Variants in MACIR observed in about 807,000 individuals in gnomAD.
The protein encoded by MACIR is macrophage immunometabolism regulator.
A neutral mutation model predicts 14.3 loss-of-function variants in MACIR; 4 were observed. That is an observed-to-expected ratio of 0.28 (90% confidence interval 0.14 to 0.64). The LOEUF (loss-of-function observed/expected upper bound fraction) is 0.64, where lower values mean the gene tolerates loss of function less well. Among genes scored for constraint, MACIR ranks in the 30% least tolerant of loss-of-function variants. The pLI is 0.83. For missense variants in MACIR, 228 were observed against 257.6 expected, an observed-to-expected ratio of 0.89 and a Z score of 0.79; for synonymous variants, 101 against 102.4, an observed-to-expected ratio of 0.99 and a Z score of 0.08.
chr5:103,275,760 A>G, intron 2 of MACIR, 137 bp from the exon 3 acceptor site: 1 of 681,754 alleles, frequency 1.5e-6, no homozygotes, highest in African/African-American at 1.8e-5. Context: ...TTTAGTAGAC[A>G]TAGTTACATG....
At chr5:103,269,395 T>C (rs2149928773) in intron 2 of MACIR, among the ~76,000 whole-genome samples, 1 of 152,300 alleles carries the variant, frequency 6.6e-6, no homozygotes, top group Non-Finnish European at 1.5e-5. Flanking sequence ...ATTCTGCATA[T>C]TTAAAATGGT....
chr5:103,272,466 T>C (rs1805170848), intron 2 of MACIR, among the ~76,000 whole-genome samples: 3 of 151,562 alleles, frequency 2.0e-5, no homozygotes, highest in Non-Finnish European at 4.4e-5. Context: ...AAAAATAACC[T>C]GAGCAAGTTG....
rs553697555 is a variant in MACIR, at chr5:103,276,720, G to C, written c.*180G>C. On this transcript the variant is annotated 3_prime_UTR_variant, in exon 3 of 3. Coordinates refer to ENST00000319933, the MANE Select transcript of MACIR (RefSeq NM_033211.4). Reference sequence around the variant, plus strand: ...CAGGAATGAAATCACAGGTACTTGGGGGGGGGATATCATTCTAGAGCACGC... The same window carrying C: ...CAGGAATGAAATCACAGGTACTTGGCGGGGGGATATCATTCTAGAGCACGC... 60 of 517,736 alleles carry C rather than the reference G, an allele frequency of 1.2e-4. No individual in the cohort carries two copies. The highest frequency in any genetic ancestry group is 1.0e-3 in the Middle Eastern group (2 of 1,968). The allele number at this position is 517,736 out of a possible 1,614,324, so 32.1% of individuals were successfully genotyped here.
rs189993757 is a variant in MACIR at position 103,263,615 on chromosome 5, A to T, written c.-113-2293A>T. ...TGCATTTAAAAGCTTAAAAAGAAGA[A>T]TATGTCACCAAATACATGAGGCAAA... On this transcript the variant is annotated intron_variant, in intron 1 of 2. Transcript: ENST00000319933. 4.5e-3 allele frequency among the ~76,000 whole-genome samples: 689 copies of T among 152,316 alleles called. 1 individual carries two copies. Among genetic ancestry groups the T allele is most frequent in the Middle Eastern group, 0.014 (4 of 294 alleles).
At chr5:103,270,138 C>T (rs1478971440) in intron 2 of MACIR, among the ~76,000 whole-genome samples, 1 of 152,080 alleles carries the variant, frequency 6.6e-6, no homozygotes, top group African/African-American at 2.4e-5. Flanking sequence ...AGGCACTGTT[C>T]TGGTGAGTGT....
chr5:103,275,855 C>T (rs1342838289), intron 2 of MACIR, 42 bp from the exon 3 acceptor site: 2 of 1,531,042 alleles, frequency 1.3e-6, no homozygotes, highest in African/African-American at 2.7e-5. Context: ...GCCCAAGTCT[C>T]TGTGCATTAT....
chr5:103,272,758 G>A (rs1042870718), intron 2 of MACIR, among the ~76,000 whole-genome samples: 1 of 152,164 alleles, frequency 6.6e-6, no homozygotes, highest in African/African-American at 2.4e-5. Context: ...GAAGCCGTTT[G>A]TGAGAGTCTT....
intron 1 of MACIR, chr5:103,259,258 G>C (rs1292764272): frequency 6.6e-6 from 1 of 152,368 alleles, no homozygotes; most frequent in Admixed American, 6.5e-5. Context: ...GGCCGCAGAC[G>C]CCGTGAGTGT....
intron 2 of MACIR, among the ~76,000 whole-genome samples, chr5:103,272,221 G>T (rs1042385042): frequency 1.3e-5 from 2 of 152,232 alleles, no homozygotes; most frequent in South Asian, 4.1e-4. Context: ...GCTAAACACA[G>T]GCCATCTCTA....
rs1554237627 is a variant in MACIR, at chr5:103,276,023, G to A, written c.104G>A (p.Arg35His). 4 of 1,613,954 alleles carry A rather than the reference G, an allele frequency of 2.5e-6. No homozygotes were observed. The highest frequency in any genetic ancestry group is 2.2e-5 in the East Asian group (1 of 44,882). ...SPGKAEAEKP[R>H]CSSTPCSPMR... Reference sequence around the variant, plus strand: ...GGAAAGGCGGAGGCAGAGAAGCCCCGCTGCTCCAGCACACCCTGCTCCCCG... The same window carrying A: ...GGAAAGGCGGAGGCAGAGAAGCCCCACTGCTCCAGCACACCCTGCTCCCCG... The change falls in exon 3 of 3, where the codon CGC (arginine) becomes CAC (histidine). Residue 35 changes from arginine (R) to histidine (H), a missense_variant. Coordinates refer to ENST00000319933, the MANE Select transcript of MACIR (RefSeq NM_033211.4).
intron 2 of MACIR, among the ~76,000 whole-genome samples, chr5:103,269,696 C>T (rs1175914910): frequency 2.0e-5 from 3 of 152,086 alleles, no homozygotes; most frequent in Non-Finnish European, 2.9e-5. Flanking sequence ...GTGTTCAAAG[C>T]TGTGCAGATT....
At chr5:103,267,674 A>G (rs564122066) in intron 2 of MACIR, among the ~76,000 whole-genome samples, 1 of 152,210 alleles carries the variant, frequency 6.6e-6, no homozygotes, top group East Asian at 1.9e-4. Flanking sequence ...TTGGAGGACC[A>G]TCTGAAACGT....
At chr5:103,272,729 C>T (rs1292229775) in intron 2 of MACIR, among the ~76,000 whole-genome samples, 1 of 152,060 alleles carries the variant, frequency 6.6e-6, no homozygotes, top group Non-Finnish European at 1.5e-5. Context: ...ATAAGTAAAA[C>T]GAATCCTTTA....
At chr5:103,269,462 G>A (rs1026745735) in intron 2 of MACIR, among the ~76,000 whole-genome samples, 2 of 151,706 alleles carry the variant, frequency 1.3e-5, no homozygotes, top group Non-Finnish European at 2.9e-5. Context: ...AAAAAAAACA[G>A]TGAAAGCATA....
chr5:103,275,399 AAG>A (rs1461563723), intron 2 of MACIR, among the ~76,000 whole-genome samples: 1 of 152,198 alleles, frequency 6.6e-6, no homozygotes, highest in Admixed American at 6.5e-5. Context: ...ATGTTCCTTA[AAG>A]ACAAATTGAA....
chr5:103,274,781 T>A (rs1202932500), intron 2 of MACIR, among the ~76,000 whole-genome samples: 1 of 152,192 alleles, frequency 6.6e-6, no homozygotes, highest in Non-Finnish European at 1.5e-5. Flanking sequence ...AATTTTTAAG[T>A]AAATTTTTCA....
intron 1 of MACIR, among the ~76,000 whole-genome samples, chr5:103,263,834 A>C (rs1804823244): frequency 1.3e-5 from 2 of 152,178 alleles, no homozygotes; most frequent in South Asian, 4.1e-4. Context: ...TTGATATCCA[A>C]CCATATAACC....
chr5:103,274,757 C>T (rs1186514334), intron 2 of MACIR, among the ~76,000 whole-genome samples: 1 of 151,528 alleles, frequency 6.6e-6, no homozygotes, highest in African/African-American at 2.4e-5. Flanking sequence ...TGAGAAGATT[C>T]GTAAGAGTTA....
In MACIR at chr5:103,276,677, T is replaced by G; in HGVS notation, c.*137T>G. On this transcript the variant is annotated 3_prime_UTR_variant, in exon 3 of 3. Coordinates refer to ENST00000319933, the MANE Select transcript of MACIR (RefSeq NM_033211.4). ...AGTGTTCCTGGAACATAAAAATTGT[T>G]TGGGTCAAATTTGAATACAGGAATG... 1.2e-6 allele frequency: 1 copy of G among 808,062 alleles called. No homozygotes were observed. Among genetic ancestry groups the G allele is most frequent in the South Asian group, 3.0e-5 (1 of 33,262 alleles). 50.1% of individuals were successfully genotyped at this position (808,062 alleles called of 1,614,324 possible). A position where few individuals can be genotyped will look rare whatever the true frequency, so the allele number is the denominator to read the frequency against.
Sources: gnomAD v4.1 joint callset for allele counts (sites outside exome capture counted in the v4.1 genomes callset) on GRCh38, gnomAD v4.1.1 for gene constraint, MANE v1.5 for transcripts, NCBI Gene and HGNC (gene_info 2026-07-23, HGNC 2026-07-21) for gene names.